NDST4: variants seen among roughly 807,000 people sequenced by gnomAD.
NDST4 encodes the protein N-heparan sulfate sulfotransferase 4.
NDST4 carries 63 observed loss-of-function variants against 100.8 expected under a neutral mutation model. The ratio of observed to expected loss-of-function variants is 0.62; its 90% CI spans 0.51 to 0.77. The LOEUF is 0.77. Ranked by LOEUF, NDST4 falls within the 30% of genes least tolerant of loss-of-function variation. NDST4 has a pLI of 0.00. For synonymous variants in NDST4, 377 were observed against 361.8 expected (o/e 1.04, Z -0.48); for missense variants, 943 against 1,018.4 (o/e 0.93, Z 1.01).
At chr4:114,916,803 T>C (rs1725184031) in intron 6 of NDST4, among the ~76,000 whole-genome samples, 1 of 151,860 alleles carries the variant, frequency 6.6e-6, no homozygotes, top group East Asian at 1.9e-4. Context: ...TCCAAGTGCA[T>C]GCCACAGTGC....
chr4:114,985,934 A>T (rs1474727049), intron 2 of NDST4, among the ~76,000 whole-genome samples: 1 of 152,168 alleles, frequency 6.6e-6, no homozygotes, highest in Non-Finnish European at 1.5e-5. Context: ...GTGAGAACAG[A>T]TCTTAGGGTC....
At chr4:114,897,153 C>G (rs1193467891) in intron 6 of NDST4, among the ~76,000 whole-genome samples, 9 of 152,102 alleles carry the variant, frequency 5.9e-5, no homozygotes. Flanking sequence ...TAGATTTAGA[C>G]AGATGTATAA....
intron 2 of NDST4, among the ~76,000 whole-genome samples, chr4:115,069,829 G>A (rs1729033798): frequency 6.6e-6 from 1 of 152,192 alleles, no homozygotes; most frequent in Admixed American, 6.5e-5. Context: ...GTTGCAGTGA[G>A]TTGAGATCTT....
chr4:115,063,558 A>G (rs1459192766), intron 2 of NDST4, among the ~76,000 whole-genome samples: 1 of 151,902 alleles, frequency 6.6e-6, no homozygotes, highest in Non-Finnish European at 1.5e-5. Flanking sequence ...TTCTTTAGAT[A>G]TGAAACCTTT....
intron 4 of NDST4, among the ~76,000 whole-genome samples, chr4:114,947,033 G>A (rs552930648): frequency 6.6e-6 from 1 of 152,042 alleles, no homozygotes; most frequent in African/African-American, 2.4e-5. Context: ...GTAGGGATGA[G>A]ATAATTTGTG....
Position 114,833,654 on chromosome 4 carries a change from T to A in NDST4, c.2348A>T (p.Gln783Leu). The change falls in exon 12 of 14, where the codon CAG becomes CTG. Residue 783 changes from glutamine (Q) to leucine (L), a missense_variant. Around this residue, in one of 2 missense-constraint regions of NDST4, gnomAD observed 526 missense variants for 634.1 expected, o/e 0.83. Coordinates refer to ENST00000264363, the MANE Select transcript of NDST4 (RefSeq NM_022569.3). ...ACGAGGTGTAACTCCCAGAAACTTC[T>A]GGACTTCATCCATCACAGTAGCTGG... Reference protein sequence around the residue: ...SDPATVMDEVQKFLGVTPRYN... With the variant: ...SDPATVMDEVLKFLGVTPRYN... The A allele has an allele frequency of 6.2e-6, 10 of 1,613,582 alleles. No homozygotes were observed. Among genetic ancestry groups the A allele is most frequent in the Non-Finnish European group, 8.5e-6 (10 of 1,179,770 alleles).
chr4:114,900,037 ACTT>A (rs1440564240), intron 6 of NDST4, among the ~76,000 whole-genome samples: 3 of 152,030 alleles, frequency 2.0e-5, no homozygotes, highest in East Asian at 1.9e-4. Context: ...AAGATTGTTT[ACTT>A]CTTCTTGTGT....
At chr4:114,864,825 G>A (rs1304356738) in intron 7 of NDST4, among the ~76,000 whole-genome samples, 2 of 152,118 alleles carry the variant, frequency 1.3e-5, no homozygotes, top group African/African-American at 4.8e-5. Flanking sequence ...CAACCTCTGG[G>A]GGTAGGACTG....
At chr4:115,039,240 A>G (rs1728297361) in intron 2 of NDST4, among the ~76,000 whole-genome samples, 1 of 152,162 alleles carries the variant, frequency 6.6e-6, no homozygotes, top group Non-Finnish European at 1.5e-5. Flanking sequence ...CACCAAGAAT[A>G]GAACACAAAA....
intron 2 of NDST4, among the ~76,000 whole-genome samples, chr4:115,055,500 C>T (rs1728674847): frequency 6.6e-6 from 1 of 152,006 alleles, no homozygotes; most frequent in African/African-American, 2.4e-5. Context: ...ACTTGTGTTA[C>T]TGATATGTAT....
chr4:115,081,163 A>G (rs1729294554), intron 1 of NDST4, among the ~76,000 whole-genome samples: 2 of 152,148 alleles, frequency 1.3e-5, no homozygotes, highest in Non-Finnish European at 2.9e-5. Flanking sequence ...TTAAATGTGA[A>G]ATTTATTTAA....
intron 2 of NDST4, among the ~76,000 whole-genome samples, chr4:115,061,117 A>G (rs964505996): frequency 1.3e-5 from 2 of 152,078 alleles, no homozygotes; most frequent in Non-Finnish European, 2.9e-5. Flanking sequence ...AACCACAATG[A>G]GATATCCTCT....
chr4:114,937,295 T>C (rs1352556764), intron 5 of NDST4, 23 bp downstream of exon 5: 1 of 1,612,878 alleles, frequency 6.2e-7, no homozygotes, highest in South Asian at 1.1e-5. Context: ...CATCCTTCAA[T>C]ATACATGGCT....
chr4:114,897,343 G>A (rs1724737413), intron 6 of NDST4, among the ~76,000 whole-genome samples: 1 of 152,094 alleles, frequency 6.6e-6, no homozygotes, highest in African/African-American at 2.4e-5. Context: ...AGCCATTTAA[G>A]ATTGACTTCT....
chr4:114,858,577 A>G (rs563322278), intron 7 of NDST4, among the ~76,000 whole-genome samples: 1 of 152,328 alleles, frequency 6.6e-6, no homozygotes, highest in African/African-American at 2.4e-5. Flanking sequence ...ATCATAAACT[A>G]TTAGTTGGTG....
At chr4:114,885,916 G>C (rs1724467406) in intron 6 of NDST4, among the ~76,000 whole-genome samples, 1 of 151,856 alleles carries the variant, frequency 6.6e-6, no homozygotes, top group African/African-American at 2.4e-5. Context: ...GCATGTAAGG[G>C]ACAAGCAATC....
At chr4:115,024,200 A>T (rs1183509681) in intron 2 of NDST4, among the ~76,000 whole-genome samples, 1 of 152,166 alleles carries the variant, frequency 6.6e-6, no homozygotes. Context: ...GCCACTCTAG[A>T]GAATCCTCAC....
At chr4:115,105,283 A>C (rs1729812678) in intron 1 of NDST4, among the ~76,000 whole-genome samples, 1 of 152,170 alleles carries the variant, frequency 6.6e-6, no homozygotes, top group Non-Finnish European at 1.5e-5. Context: ...TCATTCCTCT[A>C]ATGTTGACAT....
intron 6 of NDST4, among the ~76,000 whole-genome samples, chr4:114,887,416 T>C (rs1299457290): frequency 6.6e-6 from 1 of 152,024 alleles, no homozygotes; most frequent in Non-Finnish European, 1.5e-5. Flanking sequence ...TGAAGAAGAG[T>C]TCAGGGCTTA....
Sources: allele counts gnomAD v4.1 joint callset (sites outside exome capture counted in the v4.1 genomes callset), GRCh38; gene constraint gnomAD v4.1.1; regional missense constraint gnomAD v4.1.1; transcripts MANE v1.5; gene names NCBI Gene and HGNC (gene_info 2026-07-23, HGNC 2026-07-21).